UBXN7: variants seen among roughly 807,000 people sequenced by gnomAD.
UBXN7 encodes UBX domain protein 7.
In UBXN7, 9 loss-of-function variants were observed where a neutral mutation model predicts 58.0. The ratio of observed to expected loss-of-function variants is 0.16; its 90% CI spans 0.09 to 0.27. The LOEUF (loss-of-function observed/expected upper bound fraction) is 0.27, where lower values mean the gene tolerates loss of function less well. Ranked by LOEUF, UBXN7 falls within the 10% of genes least tolerant of loss-of-function variation. The pLI is 1.00. For synonymous variants in UBXN7, 208 were observed against 205.0 expected (o/e 1.01, Z -0.12); for missense variants, 328 against 599.6 (o/e 0.55, Z 4.73).
At chr3:196,363,454 A>G (rs1728568263) in intron 8 of UBXN7, among the ~76,000 whole-genome samples, 1 of 151,626 alleles carries the variant, frequency 6.6e-6, no homozygotes, top group African/African-American at 2.4e-5. Flanking sequence ...CAAAAGATCG[A>G]GACCATCCTG....
chr3:196,356,071 A>C lies in UBXN7; in HGVS notation c.*614T>G, dbSNP rs1450732833. ...GGAAATAGTCCTTATAGCTGGGAACATGAAAATCCTTTGAAAAAGGTTTTT... is the reference window on the plus strand; with the variant it reads ...GGAAATAGTCCTTATAGCTGGGAACCTGAAAATCCTTTGAAAAAGGTTTTT... On this transcript the variant is annotated 3_prime_UTR_variant, in exon 11 of 11. Transcript: ENST00000296328. 1.3e-5 allele frequency: 2 copies of C among 152,696 alleles called. No individual in the cohort carries two copies. Among genetic ancestry groups the C allele is most frequent in the Non-Finnish European group, 2.9e-5 (2 of 68,054 alleles). The allele number at this position is 152,696 out of a possible 1,614,324, so 9.5% of individuals were successfully genotyped here.
chr3:196,386,726 T>C (rs1204726320), intron 5 of UBXN7, among the ~76,000 whole-genome samples: 2 of 152,168 alleles, frequency 1.3e-5, no homozygotes, highest in Admixed American at 1.3e-4. Context: ...CACAAACAAA[T>C]GGAAGAACAT....
chr3:196,370,045 G>A lies in UBXN7; in HGVS notation c.616-534C>T, dbSNP rs145702121. On this transcript the variant is annotated intron_variant, in intron 6 of 10. Transcript: ENST00000296328. ...CTCGGGAGACTGAAGCAGGGGAATC[G>A]CTTGAACCCGGGAGGCAGAGACTGC... Among the ~76,000 whole-genome samples the A allele has an allele frequency of 4.3e-3, 639 of 149,830 alleles. 20 individuals carry two copies. In the South Asian group the frequency reaches 0.074, roughly 17 times the overall value.
At chr3:196,394,922 T>C (rs535366008) in intron 3 of UBXN7, among the ~76,000 whole-genome samples, 4 of 152,328 alleles carry the variant, frequency 2.6e-5, no homozygotes, top group Admixed American at 2.0e-4. Context: ...ACTACCCCTG[T>C]AGAGTGTCTA....
intron 1 of UBXN7, among the ~76,000 whole-genome samples, chr3:196,427,494 T>C (rs925566551): frequency 6.6e-6 from 1 of 152,118 alleles, no homozygotes; most frequent in Non-Finnish European, 1.5e-5. Flanking sequence ...ATTTTTGTAT[T>C]TTTCGGAGAG....
intron 5 of UBXN7, among the ~76,000 whole-genome samples, chr3:196,376,281 G>C (rs1009423964): frequency 1.3e-5 from 2 of 151,910 alleles, no homozygotes; most frequent in East Asian, 1.9e-4. Flanking sequence ...AGTGGCTCTT[G>C]CCTGTAATCA....
At chr3:196,378,233 T>C (rs1729091953) in intron 5 of UBXN7, among the ~76,000 whole-genome samples, 1 of 152,118 alleles carries the variant, frequency 6.6e-6, no homozygotes. Context: ...CATTCTCCCC[T>C]TGTCCCTCTT....
intron 1 of UBXN7, among the ~76,000 whole-genome samples, chr3:196,413,009 T>C (rs1371382645): frequency 6.6e-6 from 1 of 152,106 alleles, no homozygotes; most frequent in Non-Finnish European, 1.5e-5. Flanking sequence ...GGTTACACAT[T>C]ATTAATGTAT....
At chr3:196,401,571 A>AAACAGACACAAAGAAGGG (rs1198267248) in intron 3 of UBXN7, among the ~76,000 whole-genome samples, 3 of 150,452 alleles carry the variant, frequency 2.0e-5, no homozygotes, top group African/African-American at 7.3e-5. Context: ...AGCTGAGTAC[A>AAACAGACACAAAGAAGGG]AACAGACACA....
chr3:196,374,324 T>C (rs561211891), intron 5 of UBXN7, among the ~76,000 whole-genome samples: 24 of 152,296 alleles, frequency 1.6e-4, no homozygotes, highest in African/African-American at 4.6e-4. Context: ...GCTTTCATTA[T>C]CTCAGATTTA....
intron 1 of UBXN7, among the ~76,000 whole-genome samples, chr3:196,411,190 G>GA (rs1730314331): frequency 6.6e-6 from 1 of 152,164 alleles, no homozygotes; most frequent in Non-Finnish European, 1.5e-5. Context: ...GAAGGTTCTT[G>GA]AACAGAGGAA....
chr3:196,404,626 T>C (rs549459184), intron 2 of UBXN7, among the ~76,000 whole-genome samples: 2 of 152,330 alleles, frequency 1.3e-5, no homozygotes, highest in African/African-American at 4.8e-5. Flanking sequence ...CATTTAAGTG[T>C]TGGAACTCCA....
intron 1 of UBXN7, among the ~76,000 whole-genome samples, chr3:196,411,514 C>CA (rs1730323665): frequency 6.6e-6 from 1 of 152,090 alleles, no homozygotes; most frequent in Non-Finnish European, 1.5e-5. Flanking sequence ...TAACAGGCTT[C>CA]AAAAAACTAG....
intron 5 of UBXN7, among the ~76,000 whole-genome samples, chr3:196,382,493 A>G (rs1729237609): frequency 6.6e-6 from 1 of 152,232 alleles, no homozygotes; most frequent in Admixed American, 6.5e-5. Context: ...AGGAAGCACT[A>G]AACATGGAAA....
In UBXN7 at chr3:196,349,625, A is replaced by G. The variant is rs1239303323; in HGVS notation, c.*7060T>C. 6.6e-6 allele frequency: 1 copy of G among 152,200 alleles called. No individual in the cohort carries two copies. Among genetic ancestry groups the G allele is most frequent in the Non-Finnish European group, 1.5e-5 (1 of 68,036 alleles). 9.4% of individuals were successfully genotyped at this position (152,200 alleles called of 1,614,324 possible). On this transcript the variant is annotated 3_prime_UTR_variant, in exon 11 of 11. Coordinates refer to ENST00000296328, the MANE Select transcript of UBXN7 (RefSeq NM_015562.2). Reference sequence around the variant, plus strand: ...CGTGACGGGCACTATGGAACCAGCTACCTAGATAGAGAGAAAAAAGGAGAA... The same window carrying G: ...CGTGACGGGCACTATGGAACCAGCTGCCTAGATAGAGAGAAAAAAGGAGAA...
At chr3:196,389,187 G>T (rs1312332580) in intron 5 of UBXN7, among the ~76,000 whole-genome samples, 1 of 151,988 alleles carries the variant, frequency 6.6e-6, no homozygotes, top group Non-Finnish European at 1.5e-5. Flanking sequence ...CTTTAATATT[G>T]CTGCTATTCT....
intron 1 of UBXN7, among the ~76,000 whole-genome samples, chr3:196,419,062 T>C (rs2108623284): frequency 6.6e-6 from 1 of 152,302 alleles, no homozygotes; most frequent in South Asian, 2.1e-4. Context: ...GGCCAGGAGT[T>C]GGAGACCAGC....
intron 3 of UBXN7, among the ~76,000 whole-genome samples, chr3:196,398,838 T>C (rs1044880526): frequency 1.3e-5 from 2 of 152,120 alleles, no homozygotes; most frequent in African/African-American, 2.4e-5. Context: ...GGTCTCCCTA[T>C]GTAGCCCAGG....
intron 8 of UBXN7, among the ~76,000 whole-genome samples, chr3:196,366,881 C>A (rs1179679092): frequency 1.3e-5 from 2 of 151,784 alleles, no homozygotes; most frequent in African/African-American, 4.8e-5. Context: ...GGAACAAGAT[C>A]CTGCCCAAAG....
Sources: gnomAD v4.1 joint callset for allele counts (sites outside exome capture counted in the v4.1 genomes callset) on GRCh38, gnomAD v4.1.1 for gene constraint, MANE v1.5 for transcripts, NCBI Gene and HGNC (gene_info 2026-07-23, HGNC 2026-07-21) for gene names.